The following OSBPL10 variants were observed in gnomAD, a reference collection of about 807,000 sequenced individuals.
The protein encoded by OSBPL10 is oxysterol binding protein like 10.
OSBPL10 carries 49 observed loss-of-function variants against 81.7 expected under a neutral mutation model. The observed-to-expected ratio is 0.60, with a 90% CI of 0.48 to 0.76. The LOEUF (loss-of-function observed/expected upper bound fraction) is 0.76. Ranked by LOEUF, OSBPL10 falls within the 30% of genes least tolerant of loss-of-function variation. The pLI is 0.00. For missense variants in OSBPL10, 923 were observed against 987.8 expected (o/e 0.93, Z 0.88); for synonymous variants, 419 against 383.6 (o/e 1.09, Z -1.08).
chr3:32,042,428 A>G (rs750801437), intron 2 of OSBPL10, among the ~76,000 whole-genome samples: 3 of 152,178 alleles, frequency 2.0e-5, no homozygotes, highest in Non-Finnish European at 2.9e-5. Flanking sequence ...GTCAAAGTCT[A>G]TTCATCCTTA....
At chr3:31,795,035 A>AGGCT (rs997276051) in intron 4 of OSBPL10, 1 of 218,348 alleles carries the variant, frequency 4.6e-6, no homozygotes, top group African/African-American at 2.4e-5. Flanking sequence ...CACCAGCAAG[A>AGGCT]GGCTACTCAC....
At position 31,756,212 on chromosome 3, in the gene OSBPL10, C is replaced by A. The variant is rs151318862; in HGVS notation, c.730-8092G>T. 2.4e-3 allele frequency among the ~76,000 whole-genome samples: 363 copies of A among 152,296 alleles called. 3 individuals carry two copies. The highest frequency in any genetic ancestry group is 8.3e-3 in the African/African-American group (346 of 41,556). The stretch of plus-strand genomic sequence containing the variant: ...AGTCCTCCGGCTCCACTTCAGCGCC[C>A]TTTACACTCTGACACATGCTCCTGT... On this transcript the variant is annotated intron_variant, in intron 4 of 11. Transcript: ENST00000396556.
intron 4 of OSBPL10, among the ~76,000 whole-genome samples, chr3:31,774,321 T>C (rs918528454): frequency 6.6e-6 from 1 of 152,052 alleles, no homozygotes; most frequent in African/African-American, 2.4e-5. Context: ...TGTATGCTAA[T>C]AGAAAGGATC....
chr3:31,850,888 T>C (rs561343872), intron 3 of OSBPL10, among the ~76,000 whole-genome samples: 10 of 152,332 alleles, frequency 6.6e-5, no homozygotes, highest in East Asian at 1.9e-4. Context: ...AGGCCAATGA[T>C]AGAACTATTG....
At chr3:31,676,261 A>G (rs545873562) in intron 8 of OSBPL10, among the ~76,000 whole-genome samples, 12 of 109,158 alleles carry the variant, frequency 1.1e-4, no homozygotes, top group African/African-American at 7.0e-4. Flanking sequence ...TTCTTAGTAC[A>G]TACTCTTTTT....
intron 1 of OSBPL10, among the ~76,000 whole-genome samples, chr3:32,074,939 C>A (rs1340251407): frequency 6.6e-6 from 1 of 152,220 alleles, no homozygotes; most frequent in African/African-American, 2.4e-5. Context: ...GTACTCTAGT[C>A]TTCCTTACCC....
At chr3:31,705,906 A>G (rs774851607) in intron 6 of OSBPL10, among the ~76,000 whole-genome samples, 1 of 152,216 alleles carries the variant, frequency 6.6e-6, no homozygotes, top group Non-Finnish European at 1.5e-5. Flanking sequence ...AGAATTTATA[A>G]GACTTAAGCA....
intron 4 of OSBPL10, among the ~76,000 whole-genome samples, chr3:31,774,406 G>A (rs114400650): frequency 0.011 from 1,658 of 152,272 alleles, 32 homozygotes; most frequent in African/African-American, 0.036. Context: ...GCGGAGTGTC[G>A]AGGCTGGCTG....
intron 2 of OSBPL10, among the ~76,000 whole-genome samples, chr3:32,034,904 T>C (rs1417464194): frequency 6.6e-6 from 1 of 152,256 alleles, no homozygotes; most frequent in African/African-American, 2.4e-5. Context: ...ATATCAAGTA[T>C]ACAGCTATTA....
intron 1 of OSBPL10, among the ~76,000 whole-genome samples, chr3:31,915,794 C>T (rs763804105): frequency 3.9e-5 from 6 of 151,968 alleles, no homozygotes; most frequent in Non-Finnish European, 5.9e-5. Context: ...CCACGCAACA[C>T]CCTTTAAGAG....
chr3:31,989,108 G>A (rs779231450), intron 2 of OSBPL10: 1 of 1,614,088 alleles, frequency 6.2e-7, no homozygotes, highest in African/African-American at 1.3e-5. Flanking sequence ...GCTCAGAAGA[G>A]GAAAGAAAAG....
chr3:31,824,324 C>G (rs1189099486), intron 4 of OSBPL10, among the ~76,000 whole-genome samples: 1 of 152,122 alleles, frequency 6.6e-6, no homozygotes, highest in Non-Finnish European at 1.5e-5. Context: ...AATGTGAGAT[C>G]TAGTACTGCC....
At chr3:31,963,686 A>T (rs1029159049) in intron 1 of OSBPL10, among the ~76,000 whole-genome samples, 4 of 152,178 alleles carry the variant, frequency 2.6e-5, no homozygotes, top group Admixed American at 1.3e-4. Context: ...TACTTAATGA[A>T]GCTCCCTAAC....
At chr3:31,721,924 T>A (rs1696657435) in intron 6 of OSBPL10, among the ~76,000 whole-genome samples, 1 of 152,220 alleles carries the variant, frequency 6.6e-6, no homozygotes, top group South Asian at 2.1e-4. Flanking sequence ...CATGTTTACA[T>A]TCTTACATGC....
At chr3:31,809,908 G>A (rs990317269) in intron 4 of OSBPL10, among the ~76,000 whole-genome samples, 6 of 68,688 alleles carry the variant, frequency 8.7e-5, no homozygotes, top group Admixed American at 5.2e-4. Context: ...TTTTGCTTTT[G>A]TTGCCCAGGC....
intron 1 of OSBPL10, among the ~76,000 whole-genome samples, chr3:31,894,039 T>A (rs1205631151): frequency 6.6e-6 from 1 of 152,162 alleles, no homozygotes; most frequent in African/African-American, 2.4e-5. Flanking sequence ...ACAAGTGATA[T>A]CTACAGTGAT....
intron 1 of OSBPL10, among the ~76,000 whole-genome samples, chr3:31,948,592 G>A (rs923930423): frequency 6.6e-6 from 1 of 152,100 alleles, no homozygotes; most frequent in African/African-American, 2.4e-5. Context: ...CAATTTTTAT[G>A]GTGCTTTTTA....
chr3:31,787,454 G>A (rs1698887614), intron 4 of OSBPL10, among the ~76,000 whole-genome samples: 1 of 152,038 alleles, frequency 6.6e-6, no homozygotes, highest in South Asian at 2.1e-4. Context: ...AATTAGCCAG[G>A]CATGGAGGCG....
chr3:31,872,176 G>C (rs1435389718), intron 3 of OSBPL10, among the ~76,000 whole-genome samples: 1 of 152,162 alleles, frequency 6.6e-6, no homozygotes, highest in African/African-American at 2.4e-5. Context: ...ATGGAGAAAA[G>C]GGAGATTTTG....
Sources: allele counts gnomAD v4.1 joint callset (sites outside exome capture counted in the v4.1 genomes callset), GRCh38; gene constraint gnomAD v4.1.1; transcripts MANE v1.5; gene names NCBI Gene and HGNC (gene_info 2026-07-23, HGNC 2026-07-21).